LRRC31: variants seen among roughly 807,000 people sequenced by gnomAD.
LRRC31 encodes leucine-rich repeat-containing protein 31.
LRRC31 carries 35 observed loss-of-function variants against 46.7 expected under a neutral mutation model. The observed-to-expected ratio is 0.75, with a 90% CI of 0.57 to 0.99. LRRC31 has a LOEUF of 0.99. Among genes scored for constraint, LRRC31 ranks in the 50% least tolerant of loss-of-function variants. The pLI is 0.00. For missense variants in LRRC31, 613 were observed against 626.1 expected, an observed-to-expected ratio of 0.98 and a Z score of 0.22; for synonymous variants, 236 against 235.1, an observed-to-expected ratio of 1.00 and a Z score of -0.03.
intron 8 of LRRC31, among the ~76,000 whole-genome samples, chr3:169,843,767 G>A (rs1027933931): frequency 6.6e-6 from 1 of 152,130 alleles, no homozygotes. Flanking sequence ...TCAATATCAG[G>A]AATGAGACAG....
chr3:169,847,341 A>T (rs1241945857), intron 8 of LRRC31, among the ~76,000 whole-genome samples: 2 of 152,118 alleles, frequency 1.3e-5, no homozygotes, highest in African/African-American at 4.8e-5. Flanking sequence ...ATGTGCCACC[A>T]TGTCCTGCTA....
intron 3 of LRRC31, 34 bp downstream of exon 3, chr3:169,860,527 C>T (rs764152068): frequency 6.2e-7 from 1 of 1,611,036 alleles, no homozygotes; most frequent in African/African-American, 1.3e-5. Context: ...GGCGCCCGGC[C>T]GAATCCATCT....
chr3:169,853,345 A>G (rs553082134), intron 6 of LRRC31: 2 of 985,444 alleles, frequency 2.0e-6, no homozygotes, highest in African/African-American at 3.5e-5. Flanking sequence ...CCATCTTTTC[A>G]GAATTAAGCA....
chr3:169,845,064 A>C (rs1780564481), intron 8 of LRRC31, among the ~76,000 whole-genome samples: 1 of 152,224 alleles, frequency 6.6e-6, no homozygotes, highest in Admixed American at 6.5e-5. Context: ...TTGCAGTAAA[A>C]TGTCAATATA....
chr3:169,854,083 G>T (rs967322221), intron 6 of LRRC31, among the ~76,000 whole-genome samples: 1 of 152,208 alleles, frequency 6.6e-6, no homozygotes, highest in Admixed American at 6.5e-5. Flanking sequence ...GAGGAGGAGG[G>T]GGAGTGAATG....
In LRRC31 at chr3:169,860,744, A is replaced by T; in HGVS notation, c.320-16T>A. 6.2e-7 allele frequency: 1 copy of T among 1,610,590 alleles called. No individual in the cohort carries two copies. The highest frequency in any genetic ancestry group is 1.1e-5 in the South Asian group (1 of 90,936). On this transcript the variant is annotated splice_polypyrimidine_tract_variant and intron_variant, in intron 2 of 8. Transcript: ENST00000316428. ...AGCAAGGCAACTAGAAGTGAACAGA[A>T]GAAAATACAGATATGTGTATGTGAC...
chr3:169,860,678 T>A lies in LRRC31; in HGVS notation c.370A>T (p.Asn124Tyr), dbSNP rs1218342487. The change falls in exon 3 of 9, where the codon AAT (asparagine) becomes TAT (tyrosine). Residue 124 changes from asparagine (N) to tyrosine (Y), a missense_variant. By Grantham distance (143) the Asn-to-Tyr change is moderately radical. Coordinates refer to ENST00000316428, the MANE Select transcript of LRRC31 (RefSeq NM_024727.4). ...AGGAGGGTTCCACCTACAAAACCAT[T>A]CCAGGAGATATCCAGTTCTTCCAAG... ...PDLEELDISW[N>Y]GFVGGTLLSI... The A allele has an allele frequency of 6.2e-7, 1 of 1,614,048 alleles. No homozygotes were observed. Among genetic ancestry groups the A allele is most frequent in the East Asian group, 2.2e-5 (1 of 44,880 alleles).
At chr3:169,862,886 T>C (rs1318293295) in intron 1 of LRRC31, among the ~76,000 whole-genome samples, 1 of 151,544 alleles carries the variant, frequency 6.6e-6, no homozygotes, top group Non-Finnish European at 1.5e-5. Flanking sequence ...TTCTTTCTTT[T>C]TTTTTTTGTT....
At chr3:169,841,468 G>A (rs569773831) in intron 8 of LRRC31, among the ~76,000 whole-genome samples, 30 of 152,248 alleles carry the variant, frequency 2.0e-4, no homozygotes, top group Non-Finnish European at 2.5e-4. Context: ...TCAGCCACCC[G>A]TGCACACAAC....
chr3:169,856,243 CTA>C (rs10562400), intron 5 of LRRC31, 91 bp downstream of exon 5: 53,252 of 633,522 alleles, frequency 0.084, 2,557 homozygotes, highest in Non-Finnish European at 0.099. Context: ...TTATATTTTG[CTA>C]TATTTCCTAG....
Position 169,856,336 on chromosome 3 carries a change from C to T in LRRC31, c.823G>A (p.Asp275Asn), listed in dbSNP as rs745787565. 6.4e-7 allele frequency: 1 copy of T among 1,555,354 alleles called. No individual in the cohort carries two copies. The highest frequency in any genetic ancestry group is 8.7e-7 in the Non-Finnish European group (1 of 1,149,756). Residue 275 changes from aspartate (D) to asparagine (N), a missense_variant and splice_region_variant, in exon 5 of 9, where the codon GAT becomes AAT. Physicochemically the swap from Asp to Asn is conservative, Grantham distance 23 (BLOSUM62 1). Coordinates refer to ENST00000316428, the MANE Select transcript of LRRC31 (RefSeq NM_024727.4). ...GLSQKSVKIL[D>N]AAFRYLGELR... ...TTAAATCCAGCCATTGTTAACTCAC[C>T]CAATATTTTGACACTCTTTTGTGAT...
intron 8 of LRRC31, among the ~76,000 whole-genome samples, chr3:169,846,162 T>C (rs1780598309): frequency 6.6e-6 from 1 of 152,230 alleles, no homozygotes; most frequent in Non-Finnish European, 1.5e-5. Flanking sequence ...CAATGTTTTG[T>C]CCCCATCTTC....
At chr3:169,843,079 G>A (rs1202895592) in intron 8 of LRRC31, among the ~76,000 whole-genome samples, 2 of 152,150 alleles carry the variant, frequency 1.3e-5, no homozygotes, top group African/African-American at 4.8e-5. Context: ...TTAAGAAAGG[G>A]AGATTATCCA....
At chr3:169,866,454 A>G (rs902430695) in intron 1 of LRRC31, among the ~76,000 whole-genome samples, 1 of 152,212 alleles carries the variant, frequency 6.6e-6, no homozygotes, top group East Asian at 1.9e-4. Flanking sequence ...ACATTTATTC[A>G]TTATCTTCTT....
intron 1 of LRRC31, among the ~76,000 whole-genome samples, chr3:169,868,030 C>A (rs1018088156): frequency 6.6e-6 from 1 of 152,184 alleles, no homozygotes; most frequent in Non-Finnish European, 1.5e-5. Context: ...CATCATGTAG[C>A]AATGTGGGAA....
chr3:169,851,558 A>G lies in LRRC31; in HGVS notation c.1159+61T>C, dbSNP rs1382930466. 4 of 1,496,756 alleles carry G rather than the reference A, an allele frequency of 2.7e-6. No homozygotes were observed. In the Admixed American group the frequency reaches 8.3e-5, roughly 31 times the overall value. The allele number at this position is 1,496,756 out of a possible 1,614,324, so 92.7% of individuals were successfully genotyped here. A position where few individuals can be genotyped will look rare whatever the true frequency, so the allele number is the denominator to read the frequency against. ...TGAGCCTTGGAATGAAATGCAGGGA[A>G]AAAGAAGTCTCCCTCGCACATTATT... On this transcript the variant is annotated intron_variant, in intron 7 of 8. Coordinates refer to ENST00000316428, the MANE Select transcript of LRRC31 (RefSeq NM_024727.4).
At chr3:169,862,667 A>G (rs1781204148) in intron 1 of LRRC31, among the ~76,000 whole-genome samples, 1 of 152,054 alleles carries the variant, frequency 6.6e-6, no homozygotes, top group Non-Finnish European at 1.5e-5. Context: ...AGGCTGAGGC[A>G]GGGGAATATC....
intron 7 of LRRC31, among the ~76,000 whole-genome samples, chr3:169,848,587 G>C (rs1014764680): frequency 6.6e-6 from 1 of 152,178 alleles, no homozygotes; most frequent in Non-Finnish European, 1.5e-5. Flanking sequence ...CTCTCGAGCA[G>C]CTGGGGCTAC....
intron 8 of LRRC31, among the ~76,000 whole-genome samples, chr3:169,842,983 A>C (rs1780497641): frequency 6.6e-6 from 1 of 152,196 alleles, no homozygotes; most frequent in African/African-American, 2.4e-5. Context: ...CTAAATAGCC[A>C]CCTTAAGATT....
Sources: allele counts gnomAD v4.1 joint callset (sites outside exome capture counted in the v4.1 genomes callset), GRCh38; gene constraint gnomAD v4.1.1; transcripts MANE v1.5; gene names NCBI Gene and HGNC (gene_info 2026-07-23, HGNC 2026-07-21).